The following BTBD3 variants were observed in gnomAD, a reference collection of about 807,000 sequenced individuals.
BTBD3 encodes BTB domain containing 3, also known as BTB/POZ domain-containing protein 3.
A neutral mutation model predicts 41.6 loss-of-function variants in BTBD3; 14 were observed. The ratio of observed to expected loss-of-function variants is 0.34; its 90% CI spans 0.22 to 0.53. BTBD3 has a LOEUF of 0.53. Among genes scored for constraint, BTBD3 ranks in the 20% least tolerant of loss-of-function variants. The probability of loss-of-function intolerance (pLI) is 0.95; values close to 1 mark genes in which losing one functional copy is unlikely to be tolerated. For missense variants in BTBD3, 426 were observed against 654.7 expected, an observed-to-expected ratio of 0.65 and a Z score of 3.81; for synonymous variants, 249 against 233.7, an observed-to-expected ratio of 1.07 and a Z score of -0.60.
intron 1 of BTBD3, among the ~76,000 whole-genome samples, chr20:11,911,788 A>G (rs1401646100): frequency 6.6e-6 from 1 of 152,198 alleles, no homozygotes; most frequent in Non-Finnish European, 1.5e-5. Flanking sequence ...TCTTCAGAGT[A>G]TCTCCTGGTA....
chr20:11,904,505 G>C (rs1345884453), intron 1 of BTBD3, among the ~76,000 whole-genome samples: 1 of 152,022 alleles, frequency 6.6e-6, no homozygotes, highest in African/African-American at 2.4e-5. Flanking sequence ...TTACAATTAC[G>C]CTTACGATAA....
intron 1 of BTBD3, among the ~76,000 whole-genome samples, chr20:11,899,514 T>G (rs1332025267): frequency 1.3e-5 from 2 of 152,198 alleles, no homozygotes; most frequent in Non-Finnish European, 2.9e-5. Context: ...TGGCTCCTCA[T>G]GTCTCAGACC....
At chr20:11,894,502 A>G (rs1013910337) in intron 1 of BTBD3, among the ~76,000 whole-genome samples, 1 of 151,888 alleles carries the variant, frequency 6.6e-6, no homozygotes, top group African/African-American at 2.4e-5. Context: ...ATTGAAATTG[A>G]TCATCTGTTT....
chr20:11,902,887 A>G (rs1457732956), intron 1 of BTBD3, among the ~76,000 whole-genome samples: 2 of 152,170 alleles, frequency 1.3e-5, no homozygotes, highest in Non-Finnish European at 2.9e-5. Flanking sequence ...TTACCCATTA[A>G]TGAAATACAA....
At chr20:11,898,966 A>G (rs1028060498) in intron 1 of BTBD3, among the ~76,000 whole-genome samples, 2 of 152,168 alleles carry the variant, frequency 1.3e-5, no homozygotes, top group Non-Finnish European at 2.9e-5. Context: ...TCAGTTTTTA[A>G]TCAAGAGTAG....
intron 1 of BTBD3, among the ~76,000 whole-genome samples, chr20:11,901,494 C>G (rs892849472): frequency 6.6e-6 from 1 of 152,150 alleles, no homozygotes; most frequent in Non-Finnish European, 1.5e-5. Context: ...TTACCCTTCC[C>G]CAAGATGATT....
Position 11,919,810 on chromosome 20 carries a change from A to G in BTBD3, c.510A>G (p.Glu170=). 1 of 1,614,116 alleles carries G rather than the reference A, an allele frequency of 6.2e-7. No homozygotes were observed. Among genetic ancestry groups the G allele is most frequent in the Non-Finnish European group, 8.5e-7 (1 of 1,179,974 alleles). The change falls in exon 3 of 4, where the codon GAA becomes GAG. Residue 170 remains glutamate (E), a synonymous_variant. Coordinates refer to ENST00000378226, the MANE Select transcript of BTBD3 (RefSeq NM_014962.4). ...ATGAAATCCGTATACCAGATGTCGAACCTGCTGCTTTTCTCGCTATGCTGA... is the reference window on the plus strand; with the variant it reads ...ATGAAATCCGTATACCAGATGTCGAGCCTGCTGCTTTTCTCGCTATGCTGA... ...DKDEIRIPDV[E]PAAFLAMLKY...
chr20:11,892,387 C>T (rs1376780491), intron 1 of BTBD3: 3 of 152,226 alleles, frequency 2.0e-5, no homozygotes, highest in South Asian at 4.1e-4. Flanking sequence ...CTTCCTCCCC[C>T]ACAGGTTACT....
At chr20:11,906,668 A>G (rs746302942) in intron 1 of BTBD3, among the ~76,000 whole-genome samples, 5 of 152,198 alleles carry the variant, frequency 3.3e-5, no homozygotes, top group Non-Finnish European at 7.3e-5. Context: ...TTCTTAGTGA[A>G]GTGAGACAGA....
chr20:11,923,075 C>T lies in BTBD3; in HGVS notation c.978C>T (p.Ala326=), dbSNP rs1350941201. ...ACTTGATCCGCATACCCACAATGGC[C>T]CTCGATGATTTTGCAAATGGTGCTG... The part of the protein sequence containing the change: ...ALYLIRIPTM[A]LDDFANGAAQ... Residue 326 remains alanine (A), a synonymous_variant, in exon 4 of 4, where the codon GCC becomes GCT. Coordinates refer to ENST00000378226, the MANE Select transcript of BTBD3 (RefSeq NM_014962.4). The surrounding 1 kb of genome is among the most constrained non-coding windows in gnomAD (Gnocchi z 5.3). 6.2e-7 allele frequency: 1 copy of T among 1,613,846 alleles called. No individual in the cohort carries two copies. Among genetic ancestry groups the T allele is most frequent in the Non-Finnish European group, 8.5e-7 (1 of 1,180,034 alleles).
chr20:11,891,332 T>C (rs1196898768), intron 1 of BTBD3: 1 of 151,116 alleles, frequency 6.6e-6, no homozygotes, highest in Non-Finnish European at 1.5e-5. Flanking sequence ...ACCCCGGAGG[T>C]GGCGGAGGTC....
intron 1 of BTBD3, among the ~76,000 whole-genome samples, chr20:11,903,596 T>C (rs944727487): frequency 2.0e-5 from 3 of 152,026 alleles, no homozygotes; most frequent in African/African-American, 7.3e-5. Flanking sequence ...GAAGATTAGC[T>C]CTTTGACTGT....
At chr20:11,898,580 G>C (rs2056804622) in intron 1 of BTBD3, among the ~76,000 whole-genome samples, 1 of 152,146 alleles carries the variant, frequency 6.6e-6, no homozygotes. Flanking sequence ...TTGAGGTCGA[G>C]TATGTTTATT....
upstream of BTBD3, among the ~76,000 whole-genome samples, chr20:11,916,708 A>C (rs1372580875): frequency 2.6e-5 from 4 of 152,164 alleles, no homozygotes; most frequent in African/African-American, 9.7e-5. Flanking sequence ...TCAGGTAGTC[A>C]TTATTCAGAC....
chr20:11,923,375 T>G lies in BTBD3; in HGVS notation c.1278T>G (p.Ile426Met). Residue 426 changes from isoleucine (I) to methionine (M), a missense_variant, in exon 4 of 4, where the codon ATT becomes ATG. This residue lies in a region of BTBD3 where 321 missense variants were observed against 534.8 expected (regional missense o/e 0.60). Transcript: ENST00000378226. The surrounding 1 kb of genome is among the most constrained non-coding windows in gnomAD (Gnocchi z 5.3). ...SCGSAEYSAK[I>M]ELKRQGVVLG... ...GTTCTGCAGAATACAGTGCCAAGAT[T>G]GAACTTAAGCGGCAGGGCGTTGTCC... The G allele has an allele frequency of 6.2e-7, 1 of 1,614,224 alleles. No individual in the cohort carries two copies. Among genetic ancestry groups the G allele is most frequent in the Non-Finnish European group, 8.5e-7 (1 of 1,180,038 alleles).
At chr20:11,899,459 A>G (rs1163860522) in intron 1 of BTBD3, among the ~76,000 whole-genome samples, 1 of 152,184 alleles carries the variant, frequency 6.6e-6, no homozygotes, top group Non-Finnish European at 1.5e-5. Flanking sequence ...TGAGAAGTGG[A>G]TGAGCACTGT....
At chr20:11,892,360 T>A (rs1387287086) in intron 1 of BTBD3, 1 of 152,238 alleles carries the variant, frequency 6.6e-6, no homozygotes, top group African/African-American at 2.4e-5. Context: ...TGTTTTAACT[T>A]TAACCTGAGG....
At chr20:11,912,066 C>T (rs949452166) in intron 1 of BTBD3, among the ~76,000 whole-genome samples, 1 of 152,074 alleles carries the variant, frequency 6.6e-6, no homozygotes, top group African/African-American at 2.4e-5. Flanking sequence ...TCAAGGTTAA[C>T]TGGAGCTCTG....
chr20:11,919,316 T>C (rs1044638544), intron 2 of BTBD3, 140 bp downstream of exon 2: 17 of 1,362,392 alleles, frequency 1.2e-5, no homozygotes, highest in Non-Finnish European at 1.4e-5. Context: ...GCGCACCCTC[T>C]CCAGAGGGCT....
Sources: allele counts gnomAD v4.1 joint callset (sites outside exome capture counted in the v4.1 genomes callset), GRCh38; gene constraint gnomAD v4.1.1; regional missense constraint gnomAD v4.1.1; non-coding constraint Gnocchi (gnomAD v3.1); transcripts MANE v1.5; gene names NCBI Gene and HGNC (gene_info 2026-07-23, HGNC 2026-07-21).